CLVS1: variants seen among roughly 807,000 people sequenced by gnomAD.
CLVS1 encodes clavesin 1.
A neutral mutation model predicts 33.1 loss-of-function variants in CLVS1; 10 were observed. That is an observed-to-expected ratio of 0.30 (90% CI 0.19 to 0.51). CLVS1 has a LOEUF of 0.51. Among genes scored for constraint, CLVS1 ranks in the 20% least tolerant of loss-of-function variants. CLVS1 has a pLI of 0.97. For missense variants in CLVS1, 343 were observed against 433.4 expected, an observed-to-expected ratio of 0.79 and a Z score of 1.85; for synonymous variants, 163 against 166.1, an observed-to-expected ratio of 0.98 and a Z score of 0.14.
intron 2 of CLVS1, among the ~76,000 whole-genome samples, chr8:61,260,110 G>A (rs983101460): frequency 9.9e-5 from 15 of 152,100 alleles, no homozygotes; most frequent in Admixed American, 6.5e-5. Flanking sequence ...GTCATGTAAC[G>A]TAGGATGGCA....
chr8:61,113,401 G>A (rs1172505081), intron 1 of CLVS1, among the ~76,000 whole-genome samples: 2 of 152,182 alleles, frequency 1.3e-5, no homozygotes, highest in Admixed American at 1.3e-4. Context: ...ACCACATGGG[G>A]AGCAAAAGGA....
the CLVS1 span, among the ~76,000 whole-genome samples, chr8:60,984,337 T>C: frequency 7.4e-4 from 112 of 151,664 alleles, no homozygotes; most frequent in Middle Eastern, 0.02. Flanking sequence ...CTTTTTTTTT[T>C]GAGACAGAAT....
chr8:61,057,403 CACACACACA>C (rs1563387108), intron 1 of CLVS1, among the ~76,000 whole-genome samples: 4 of 150,418 alleles, frequency 2.7e-5, no homozygotes, highest in African/African-American at 1.0e-4. Flanking sequence ...CACACACACA[CACACACACA>C]CCCCATCCAA....
chr8:61,047,693 C>CA, the CLVS1 span, among the ~76,000 whole-genome samples: 1 of 152,054 alleles, frequency 6.6e-6, no homozygotes, highest in Non-Finnish European at 1.5e-5. Flanking sequence ...ATCACAAGGA[C>CA]AAAAAACCAA....
Position 61,376,711 on chromosome 8 carries a change from A to C in CLVS1, c.562A>C (p.Asn188His), listed in dbSNP as rs1011375279. 1 of 1,614,126 alleles carries C rather than the reference A, an allele frequency of 6.2e-7. No individual in the cohort carries two copies. Among genetic ancestry groups the C allele is most frequent in the Non-Finnish European group, 8.5e-7 (1 of 1,179,982 alleles). The stretch of plus-strand genomic sequence containing the variant: ...CTTCATTTTAATTATAGACTGGAGT[A>C]ATTTTTCCTTCAAACAAGCCTCCAA... The part of the protein sequence containing the change: ...NGFILIIDWS[N>H]FSFKQASKLT... The change falls in exon 3 of 6, where the codon AAT becomes CAT. Residue 188 changes from asparagine (N) to histidine (H), a missense_variant. Coordinates refer to ENST00000325897, the MANE Select transcript of CLVS1 (RefSeq NM_173519.3).
chr8:61,425,425 T>C (rs1174043416), intron 3 of CLVS1, among the ~76,000 whole-genome samples: 1 of 149,118 alleles, frequency 6.7e-6, no homozygotes, highest in Admixed American at 6.6e-5. Flanking sequence ...TCAACAGTGA[T>C]TTTTTTAAAA....
the CLVS1 span, among the ~76,000 whole-genome samples, chr8:61,044,130 T>C: frequency 6.6e-6 from 1 of 152,168 alleles, no homozygotes; most frequent in Non-Finnish European, 1.5e-5. Context: ...TTCTGCTGTT[T>C]AGACTATATG....
chr8:61,214,915 C>T (rs988128147), intron 2 of CLVS1, among the ~76,000 whole-genome samples: 12 of 152,148 alleles, frequency 7.9e-5, no homozygotes, highest in African/African-American at 2.7e-4. Flanking sequence ...TAGGATGGCT[C>T]ATTTTGAATA....
chr8:61,154,211 GT>G (rs201711313), intron 2 of CLVS1, among the ~76,000 whole-genome samples: 19 of 146,190 alleles, frequency 1.3e-4, no homozygotes, highest in South Asian at 8.6e-4. Context: ...TGCTTTTTTT[GT>G]TTTTTTTTGT....
At chr8:61,044,207 A>G in the CLVS1 span, among the ~76,000 whole-genome samples, 2 of 152,182 alleles carry the variant, frequency 1.3e-5, no homozygotes, top group Non-Finnish European at 2.9e-5. Flanking sequence ...AGCTCTGGAA[A>G]GCCCCCAAAG....
In CLVS1 at chr8:61,378,180, C is replaced by A. The variant is rs189011769; in HGVS notation, c.630+1401C>A. 5.3e-5 allele frequency: 8 copies of A among 152,326 alleles called. No homozygotes were observed. The East Asian group carries it at 1.5e-3, about 29-fold the overall frequency. The allele number at this position is 152,326 out of a possible 1,614,324, so 9.4% of individuals were successfully genotyped here. On this transcript the variant is annotated intron_variant, in intron 3 of 5. Coordinates refer to ENST00000325897, the MANE Select transcript of CLVS1 (RefSeq NM_173519.3). ...AATTTCTGTACAAGCTGCATGTAAT[C>A]TTACCTTTTTTAAAAAAGATAATTT...
intron 2 of CLVS1, among the ~76,000 whole-genome samples, chr8:61,328,706 T>C (rs1485938084): frequency 6.6e-6 from 1 of 152,202 alleles, no homozygotes; most frequent in Non-Finnish European, 1.5e-5. Flanking sequence ...GATAGATTTC[T>C]CTCATCTGTG....
chr8:61,423,175 C>A (rs1815748841), intron 3 of CLVS1, among the ~76,000 whole-genome samples: 1 of 152,164 alleles, frequency 6.6e-6, no homozygotes, highest in South Asian at 2.1e-4. Context: ...TAGTCAACTG[C>A]CCCCACCTCA....
intron 1 of CLVS1, among the ~76,000 whole-genome samples, chr8:61,288,839 C>T (rs1018541359): frequency 2.0e-5 from 3 of 152,178 alleles, no homozygotes; most frequent in Non-Finnish European, 4.4e-5. Context: ...GTGTTTAATG[C>T]AGAAACTCCA....
chr8:60,980,880 A>G, the CLVS1 span, among the ~76,000 whole-genome samples: 1 of 152,026 alleles, frequency 6.6e-6, no homozygotes, highest in Admixed American at 6.6e-5. Context: ...ATGCCCATCA[A>G]AAAGACTCAA....
chr8:61,449,039 CT>C (rs200421449), intron 3 of CLVS1, among the ~76,000 whole-genome samples: 32 of 146,312 alleles, frequency 2.2e-4, no homozygotes, highest in South Asian at 2.2e-4. Flanking sequence ...TTTTAGCTGG[CT>C]TTTTTTTTTG....
intron 3 of CLVS1, among the ~76,000 whole-genome samples, chr8:61,424,535 T>C (rs1005046622): frequency 3.5e-4 from 53 of 152,348 alleles, no homozygotes; most frequent in African/African-American, 9.6e-4. Context: ...GACTTGCCTT[T>C]ATTACTTATA....
chr8:61,488,872 C>G (rs544113756), intron 5 of CLVS1, among the ~76,000 whole-genome samples: 2 of 152,296 alleles, frequency 1.3e-5, no homozygotes, highest in Admixed American at 1.3e-4. Flanking sequence ...TCCTTCCTCC[C>G]CATCTGCAAG....
At chr8:61,197,767 A>G (rs1043306512) in intron 2 of CLVS1, among the ~76,000 whole-genome samples, 9 of 152,036 alleles carry the variant, frequency 5.9e-5, no homozygotes, top group Admixed American at 2.6e-4. Flanking sequence ...TGATCCACCT[A>G]CCTCGGCCTC....
Sources: allele counts gnomAD v4.1 joint callset (sites outside exome capture counted in the v4.1 genomes callset), GRCh38; gene constraint gnomAD v4.1.1; transcripts MANE v1.5; gene names NCBI Gene and HGNC (gene_info 2026-07-23, HGNC 2026-07-21).